Variants in DGKB observed in about 807,000 individuals in gnomAD.
DGKB encodes the protein diacylglycerol kinase beta.
In DGKB, 67 loss-of-function variants were observed where a neutral mutation model predicts 114.3. The ratio of observed to expected loss-of-function variants is 0.59; its 90% confidence interval spans 0.48 to 0.72. DGKB has a LOEUF of 0.72. Ranked by LOEUF, DGKB falls within the 30% of genes least tolerant of loss-of-function variation. The pLI, the probability that DGKB is intolerant of heterozygous loss-of-function variation, is 0.00. For missense variants in DGKB, 907 were observed against 975.2 expected, an observed-to-expected ratio of 0.93 and a Z score of 0.93; for synonymous variants, 398 against 323.1, an observed-to-expected ratio of 1.23 and a Z score of -2.49.
intron 1 of DGKB, among the ~76,000 whole-genome samples, chr7:14,918,496 T>C (rs992674345): frequency 6.6e-6 from 1 of 152,146 alleles, no homozygotes; most frequent in African/African-American, 2.4e-5. Flanking sequence ...TAAAACACAA[T>C]ACCATTTACT....
chr7:14,307,493 G>A (rs1022888142), intron 23 of DGKB, among the ~76,000 whole-genome samples: 4 of 152,146 alleles, frequency 2.6e-5, no homozygotes, highest in African/African-American at 9.7e-5. Context: ...TGAAAGATGA[G>A]CAGTTCGCTG....
chr7:14,900,902 T>A (rs549573989), intron 1 of DGKB, among the ~76,000 whole-genome samples: 1 of 152,316 alleles, frequency 6.6e-6, no homozygotes, highest in South Asian at 2.1e-4. Flanking sequence ...TAGTTGACTC[T>A]AGAGTATTAG....
chr7:14,660,780 A>G (rs1367146039), intron 13 of DGKB, among the ~76,000 whole-genome samples: 2 of 152,040 alleles, frequency 1.3e-5, no homozygotes, highest in Non-Finnish European at 2.9e-5. Flanking sequence ...AGCTGGAGGC[A>G]TCACACTACC....
intron 12 of DGKB, among the ~76,000 whole-genome samples, chr7:14,681,639 C>A (rs979617806): frequency 3.9e-5 from 6 of 151,942 alleles, no homozygotes; most frequent in Non-Finnish European, 8.8e-5. Context: ...AGCTGGGAAA[C>A]AAAACCTCAG....
rs544930865 is a variant in DGKB, at chr7:14,216,519, A to G, written c.2123-38368T>C. Among the ~76,000 whole-genome samples, 6 of 152,140 alleles carry G rather than the reference A, an allele frequency of 3.9e-5. No homozygotes were observed. The South Asian group carries it at 8.3e-4, about 21-fold the overall frequency. On this transcript the variant is annotated intron_variant, in intron 23 of 25. Transcript: ENST00000402815. Reference sequence around the variant, plus strand: ...GGTGGGTGGATCACCTGAGGTCAGGAGTTCGAAACCAGCCTGGCCAACATG... The same window carrying G: ...GGTGGGTGGATCACCTGAGGTCAGGGGTTCGAAACCAGCCTGGCCAACATG...
At chr7:14,790,877 A>T (rs1396832096) in intron 2 of DGKB, among the ~76,000 whole-genome samples, 1 of 152,186 alleles carries the variant, frequency 6.6e-6, no homozygotes, top group Non-Finnish European at 1.5e-5. Flanking sequence ...GTTACATTAA[A>T]ATCTTTATAT....
chr7:14,536,621 C>CA (rs1792541229), intron 20 of DGKB, among the ~76,000 whole-genome samples: 1 of 152,194 alleles, frequency 6.6e-6, no homozygotes, highest in East Asian at 1.9e-4. Context: ...AACACTCTCT[C>CA]ATGCTAAACC....
At chr7:14,168,380 C>T (rs1400224656) in intron 25 of DGKB, among the ~76,000 whole-genome samples, 6 of 151,964 alleles carry the variant, frequency 3.9e-5, no homozygotes, top group African/African-American at 7.3e-5. Context: ...GAGTGTGTGG[C>T]GTAGAAGTCA....
intron 14 of DGKB, among the ~76,000 whole-genome samples, chr7:14,622,897 C>T (rs925289708): frequency 6.6e-6 from 1 of 152,202 alleles, no homozygotes; most frequent in Non-Finnish European, 1.5e-5. Flanking sequence ...TTGGTCCTGA[C>T]TTCAGGATGT....
At chr7:14,885,548 G>A (rs756249561) in intron 1 of DGKB, among the ~76,000 whole-genome samples, 2 of 151,742 alleles carry the variant, frequency 1.3e-5, no homozygotes, top group Non-Finnish European at 2.9e-5. Flanking sequence ...GTGTACAGTG[G>A]CACATAGAGA....
At chr7:14,398,883 G>A (rs1822662123) in intron 21 of DGKB, among the ~76,000 whole-genome samples, 2 of 151,990 alleles carry the variant, frequency 1.3e-5, no homozygotes, top group South Asian at 2.1e-4. Flanking sequence ...TTTCAGGTTG[G>A]TTGTGGGCCC....
chr7:14,851,972 T>C (rs901573533), intron 1 of DGKB, among the ~76,000 whole-genome samples: 2 of 152,114 alleles, frequency 1.3e-5, no homozygotes, highest in Non-Finnish European at 2.9e-5. Context: ...CAGGATACCA[T>C]AGAACAGAAA....
intron 5 of DGKB, among the ~76,000 whole-genome samples, chr7:14,735,689 C>T (rs754735802): frequency 6.5e-4 from 99 of 152,062 alleles, no homozygotes; most frequent in Middle Eastern, 6.3e-3. Flanking sequence ...AAATATTATA[C>T]CTTTTTAGAT....
In DGKB at chr7:14,495,411, A is replaced by C. The variant is rs1032321403; in HGVS notation, c.1771-17186T>G. 7.9e-5 allele frequency among the ~76,000 whole-genome samples: 12 copies of C among 151,844 alleles called. No homozygotes were observed. The Admixed American group carries it at 7.9e-4, about 10-fold the overall frequency. ...AACAATTTCACTGTTATTACACAAAATTGTAAATTATTTCTTTTTAAATTA... is the reference window on the plus strand; with the variant it reads ...AACAATTTCACTGTTATTACACAAACTTGTAAATTATTTCTTTTTAAATTA... On this transcript the variant is annotated intron_variant, in intron 20 of 25. Coordinates refer to ENST00000402815, the MANE Select transcript of DGKB (RefSeq NM_001350709.2).
chr7:14,876,881 C>T (rs217568), intron 1 of DGKB, among the ~76,000 whole-genome samples: 151,323 of 152,336 alleles, frequency 0.99, 75,170 homozygotes, highest in Middle Eastern at 1. Flanking sequence ...AACCTATATT[C>T]CAAATTACTT....
At chr7:14,615,712 ACTT>A (rs758006216) in intron 15 of DGKB, among the ~76,000 whole-genome samples, 2 of 151,844 alleles carry the variant, frequency 1.3e-5, no homozygotes, top group Non-Finnish European at 2.9e-5. Flanking sequence ...TTTACATAAT[ACTT>A]CTCTCATTAT....
intron 1 of DGKB, among the ~76,000 whole-genome samples, chr7:14,952,356 A>T (rs1786250470): frequency 6.6e-6 from 1 of 152,052 alleles, no homozygotes; most frequent in Non-Finnish European, 1.5e-5. Context: ...AACTGATATA[A>T]CATCGCACGT....
intron 12 of DGKB, among the ~76,000 whole-genome samples, chr7:14,674,623 T>C (rs1304424139): frequency 6.6e-6 from 1 of 152,066 alleles, no homozygotes; most frequent in Non-Finnish European, 1.5e-5. Context: ...TAGATGTATT[T>C]AAGCTAAGAT....
At chr7:14,212,873 T>A (rs1426437586) in intron 23 of DGKB, among the ~76,000 whole-genome samples, 1 of 152,120 alleles carries the variant, frequency 6.6e-6, no homozygotes, top group African/African-American at 2.4e-5. Context: ...TCCAAATCGA[T>A]CAATTAGTAA....
Sources: allele counts gnomAD v4.1 joint callset (sites outside exome capture counted in the v4.1 genomes callset), GRCh38; gene constraint gnomAD v4.1.1; transcripts MANE v1.5; gene names NCBI Gene and HGNC (gene_info 2026-07-23, HGNC 2026-07-21).